NRIP1: variants seen among roughly 807,000 people sequenced by gnomAD.
NRIP1 encodes nuclear receptor-interacting protein 1.
Under a neutral mutation model 75.0 loss-of-function variants are expected in NRIP1, and 28 were observed. That is an observed-to-expected ratio of 0.37 (90% CI 0.28 to 0.51). The LOEUF is 0.51. NRIP1 is among the 20% of genes least tolerant of loss of function. NRIP1 has a pLI of 0.92. For synonymous variants in NRIP1, 526 were observed against 487.6 expected (o/e 1.08, Z -1.04); for missense variants, 1,435 against 1,343.7 (o/e 1.07, Z -1.06).
At chr21:15,038,728 T>C (rs544198129) in intron 2 of NRIP1, among the ~76,000 whole-genome samples, 1 of 152,250 alleles carries the variant, frequency 6.6e-6, no homozygotes, top group East Asian at 1.9e-4. Flanking sequence ...ATTTTTGTTT[T>C]CATTTCCTTT....
chr21:15,026,331 A>C (rs1430931394), intron 2 of NRIP1, among the ~76,000 whole-genome samples: 1 of 152,254 alleles, frequency 6.6e-6, no homozygotes, highest in Non-Finnish European at 1.5e-5. Context: ...AATCAAGATC[A>C]TAATACGATG....
rs143020721 is a variant in NRIP1, at chr21:14,966,637, G to A, written c.1556C>T (p.Pro519Leu). The A allele has an allele frequency of 5.7e-4, 924 of 1,613,954 alleles. 2 individuals carry two copies. The highest frequency in any genetic ancestry group is 7.5e-4 in the Non-Finnish European group (882 of 1,179,994). ...NEENVEKNTS[P>L]QGVHNDVSKF... Reference sequence around the variant, plus strand: ...GCTCACATCATTGTGTACTCCCTGAGGGCTGGTGTTTTTTTCTACATTTTC... The same window carrying A: ...GCTCACATCATTGTGTACTCCCTGAAGGCTGGTGTTTTTTTCTACATTTTC... The change falls in exon 4 of 4, where the codon CCT becomes CTT. Residue 519 changes from proline to leucine, a missense_variant. Coordinates refer to ENST00000318948, the MANE Select transcript of NRIP1 (RefSeq NM_003489.4).
At chr21:15,043,043 G>C (rs948019155) in intron 2 of NRIP1, among the ~76,000 whole-genome samples, 1 of 152,262 alleles carries the variant, frequency 6.6e-6, no homozygotes, top group Non-Finnish European at 1.5e-5. Flanking sequence ...GTCTGTCCAC[G>C]GACTCTGATG....
intron 2 of NRIP1, among the ~76,000 whole-genome samples, chr21:15,020,386 A>G (rs1464674534): frequency 6.6e-6 from 1 of 152,226 alleles, no homozygotes; most frequent in East Asian, 1.9e-4. Context: ...TTAGATATCC[A>G]TATGTGAAAA....
At chr21:15,027,272 G>A (rs1322363168) in intron 2 of NRIP1, among the ~76,000 whole-genome samples, 1 of 152,164 alleles carries the variant, frequency 6.6e-6, no homozygotes, top group African/African-American at 2.4e-5. Context: ...TTCTATGCTC[G>A]ATGGTAGGTT....
At chr21:14,997,042 T>C (rs973338668) in intron 3 of NRIP1, among the ~76,000 whole-genome samples, 4 of 152,196 alleles carry the variant, frequency 2.6e-5, no homozygotes, top group African/African-American at 9.6e-5. Flanking sequence ...CTCCCTTTCC[T>C]GCCTTCCTGA....
intron 2 of NRIP1, among the ~76,000 whole-genome samples, chr21:15,035,652 G>A (rs1318710580): frequency 6.6e-6 from 1 of 151,734 alleles, no homozygotes; most frequent in Non-Finnish European, 1.5e-5. Context: ...CGCCTCCTGG[G>A]TTCAAGCATT....
In NRIP1 at chr21:14,962,647, T is replaced by C. The variant is rs964895837; in HGVS notation, c.*2069A>G. 1.3e-5 allele frequency: 2 copies of C among 152,490 alleles called. No homozygotes were observed. Among genetic ancestry groups the C allele is most frequent in the African/African-American group, 4.8e-5 (2 of 41,446 alleles). 9.4% of individuals were successfully genotyped at this position (152,490 alleles called of 1,614,324 possible). The stretch of plus-strand genomic sequence containing the variant: ...TGTTGACAATAAGATTGTCATAGTA[T>C]GGACATGGAATAGAATATATTCAAC... On this transcript the variant is annotated 3_prime_UTR_variant, in exon 4 of 4. Coordinates refer to ENST00000318948, the MANE Select transcript of NRIP1 (RefSeq NM_003489.4).
chr21:14,977,584 C>A (rs546680594), intron 3 of NRIP1, among the ~76,000 whole-genome samples: 3 of 107,120 alleles, frequency 2.8e-5, no homozygotes, highest in African/African-American at 9.3e-5. Context: ...ATTAAAAAGT[C>A]ACTGGAAAAA....
At position 14,968,022 on chromosome 21, in the gene NRIP1, T is replaced by G. The variant is rs2086805736; in HGVS notation, c.171A>C (p.Ala57=). Residue 57 remains alanine (A), a synonymous_variant, in exon 4 of 4, where the codon GCA becomes GCC. Coordinates refer to ENST00000318948, the MANE Select transcript of NRIP1 (RefSeq NM_003489.4). ...GACCATTACTTTGACAGGTGGGAAA[T>G]GCACTGCCAGAAATGTTAAAGTTCT... ...EDQNFNISGS[A]FPTCQSNGPV... 1 of 1,614,040 alleles carries G rather than the reference T, an allele frequency of 6.2e-7. No homozygotes were observed. Among genetic ancestry groups the G allele is most frequent in the Non-Finnish European group, 8.5e-7 (1 of 1,179,998 alleles).
At chr21:14,988,411 T>C in intron 3 of NRIP1, among the ~76,000 whole-genome samples, 1 of 141,650 alleles carries the variant, frequency 7.1e-6, no homozygotes. Flanking sequence ...CTTAGGATTG[T>C]CTTTTGTCTT....
intron 3 of NRIP1, among the ~76,000 whole-genome samples, chr21:14,989,038 G>C (rs1434681637): frequency 6.6e-6 from 1 of 152,152 alleles, no homozygotes; most frequent in Non-Finnish European, 1.5e-5. Context: ...GGTTCCTGAA[G>C]AGTTCGCTGC....
chr21:14,964,729 T>TA lies in NRIP1; in HGVS notation c.3463_3464insT (p.Lys1155IlefsTer33). ...GGCAGGTACATTTTATTCTGATTCT[T>TA]TCTTTATCGTTAGCACGCTTCCCAG... On this transcript the variant is annotated frameshift_variant, in exon 4 of 4. Transcript: ENST00000318948. LOFTEE classifies it high-confidence loss of function. The TA allele has an allele frequency of 6.5e-7, 1 of 1,543,422 alleles. No individual in the cohort carries two copies. The highest frequency in any genetic ancestry group is 8.7e-7 in the Non-Finnish European group (1 of 1,152,062).
chr21:14,993,801 T>A (rs928075975), intron 3 of NRIP1, among the ~76,000 whole-genome samples: 7 of 151,852 alleles, frequency 4.6e-5, no homozygotes, highest in Admixed American at 2.0e-4. Flanking sequence ...AAAATGACAG[T>A]GTATATACAA....
rs869160226 is a variant in NRIP1 at position 15,012,447 on chromosome 21, C to CTTTTT, written c.-335+1892_-335+1896dup. 8.7e-3 allele frequency among the ~76,000 whole-genome samples: 689 copies of CTTTTT among 79,370 alleles called. 52 individuals carry two copies. The highest frequency in any genetic ancestry group is 0.024 in the East Asian group (47 of 1,948). The allele number at this position is 79,370 out of a possible 152,430, so 52.1% of individuals were successfully genotyped here. A position where few individuals can be genotyped will look rare whatever the true frequency, so the allele number is the denominator to read the frequency against. On this transcript the variant is annotated intron_variant, in intron 3 of 3. Transcript: ENST00000318948. ...AGTTGTTCACTATACATTATAATGT[C>CTTTTT]TTTTTTTTTTTTTTTTTTTTTTTTT...
intron 2 of NRIP1, among the ~76,000 whole-genome samples, chr21:15,020,237 G>T (rs538533392): frequency 2.0e-5 from 3 of 152,218 alleles, no homozygotes; most frequent in South Asian, 2.1e-4. Context: ...AACAGTGTTG[G>T]TCCTGCTATA....
chr21:14,997,631 T>G (rs775751107), intron 3 of NRIP1, among the ~76,000 whole-genome samples: 13 of 151,434 alleles, frequency 8.6e-5, no homozygotes, highest in Non-Finnish European at 1.8e-4. Context: ...ATCTTACACG[T>G]AGACACACAA....
chr21:15,051,016 A>G (rs1396267241), intron 1 of NRIP1: 1 of 406,970 alleles, frequency 2.5e-6, no homozygotes, highest in East Asian at 7.2e-5. Flanking sequence ...GCTAATGCAA[A>G]CTAGCGAATC....
In NRIP1 at chr21:14,961,390, C is replaced by T. The variant is rs919105223; in HGVS notation, c.*3326G>A. On this transcript the variant is annotated 3_prime_UTR_variant, in exon 4 of 4. Coordinates refer to ENST00000318948, the MANE Select transcript of NRIP1 (RefSeq NM_003489.4). ...CTAATAAAAATGGCAAATTATATTA[C>T]TGAGCAGATCGCATCAAATTTGGTT... 1.9e-4 allele frequency: 29 copies of T among 152,330 alleles called. No homozygotes were observed. Among genetic ancestry groups the T allele is most frequent in the African/African-American group, 6.5e-4 (27 of 41,384 alleles). The allele number at this position is 152,330 out of a possible 1,614,324, so 9.4% of individuals were successfully genotyped here. A position where few individuals can be genotyped will look rare whatever the true frequency, so the allele number is the denominator to read the frequency against.
Sources: gnomAD v4.1 joint callset for allele counts (sites outside exome capture counted in the v4.1 genomes callset) on GRCh38, gnomAD v4.1.1 for gene constraint, MANE v1.5 for transcripts, NCBI Gene and HGNC (gene_info 2026-07-23, HGNC 2026-07-21) for gene names.